Variants in AFF3 observed in about 807,000 individuals in gnomAD.
AFF3 encodes ALF transcription elongation factor 3.
A neutral mutation model predicts 129.7 loss-of-function variants in AFF3; 32 were observed. That is an observed-to-expected ratio of 0.25 (90% CI 0.19 to 0.33). The LOEUF is 0.33. AFF3 is among the 10% of genes least tolerant of loss of function. The pLI, the probability that AFF3 is intolerant of heterozygous loss-of-function variation, is 1.00. For synonymous variants in AFF3, 644 were observed against 635.4 expected, an observed-to-expected ratio of 1.01 and a Z score of -0.20; for missense variants, 1,373 against 1,592.0, an observed-to-expected ratio of 0.86 and a Z score of 2.34.
At chr2:99,843,454 G>A (rs1402356894) in intron 7 of AFF3, among the ~76,000 whole-genome samples, 1 of 152,170 alleles carries the variant, frequency 6.6e-6, no homozygotes, top group Non-Finnish European at 1.5e-5. Context: ...TACACAAACA[G>A]CCAGGGCTTT....
chr2:99,666,676 C>G (rs7579222), intron 12 of AFF3, among the ~76,000 whole-genome samples: 1 of 152,138 alleles, frequency 6.6e-6, no homozygotes, highest in Non-Finnish European at 1.5e-5. Context: ...CAAATATAAC[C>G]ATATTGGTAG....
At chr2:99,680,457 C>T (rs1408012750) in intron 11 of AFF3, among the ~76,000 whole-genome samples, 3 of 152,114 alleles carry the variant, frequency 2.0e-5, no homozygotes, top group African/African-American at 7.2e-5. Flanking sequence ...TCAGAGGATT[C>T]TGACTGGGAA....
chr2:99,987,694 C>A (rs1194418116), intron 7 of AFF3, among the ~76,000 whole-genome samples: 1 of 152,184 alleles, frequency 6.6e-6, no homozygotes, highest in Non-Finnish European at 1.5e-5. Context: ...ACTCTCCTAC[C>A]TATCATCTGC....
At chr2:99,845,354 T>C (rs1228647336) in intron 7 of AFF3, among the ~76,000 whole-genome samples, 5 of 152,230 alleles carry the variant, frequency 3.3e-5, no homozygotes, top group East Asian at 3.8e-4. Context: ...TCAGAGCCTA[T>C]AGTTAAAAGC....
chr2:99,555,578 G>A (rs1050179472), intron 22 of AFF3, among the ~76,000 whole-genome samples: 2 of 152,200 alleles, frequency 1.3e-5, no homozygotes, highest in African/African-American at 4.8e-5. Flanking sequence ...CCTCTAGTTA[G>A]GGAAGTTGCT....
chr2:100,079,453 C>A (rs1420312982), intron 4 of AFF3, among the ~76,000 whole-genome samples: 1 of 152,176 alleles, frequency 6.6e-6, no homozygotes, highest in Non-Finnish European at 1.5e-5. Context: ...GTTACAAACT[C>A]CTTGAGGGCA....
At chr2:99,857,549 A>G (rs1169792944) in intron 7 of AFF3, among the ~76,000 whole-genome samples, 1 of 152,200 alleles carries the variant, frequency 6.6e-6, no homozygotes, top group African/African-American at 2.4e-5. Context: ...AAAATAAACT[A>G]AAGTGAATAT....
At chr2:100,051,595 GA>G (rs1573263014) in intron 4 of AFF3, among the ~76,000 whole-genome samples, 1 of 152,066 alleles carries the variant, frequency 6.6e-6, no homozygotes, top group East Asian at 1.9e-4. Flanking sequence ...AAGTTAAGAT[GA>G]AAAAAACCAG....
chr2:99,554,792 A>G, intron 22 of AFF3, 60 bp from the exon 23 acceptor site: 1 of 1,595,114 alleles, frequency 6.3e-7, no homozygotes, highest in Non-Finnish European at 8.6e-7. Flanking sequence ...AACAGGTGAC[A>G]TGAACGTGTT....
chr2:99,636,746 C>T (rs1347386330), intron 13 of AFF3, among the ~76,000 whole-genome samples: 1 of 152,138 alleles, frequency 6.6e-6, no homozygotes, highest in Non-Finnish European at 1.5e-5. Flanking sequence ...CGGGAGCCAG[C>T]ACAGGAAAGG....
intron 11 of AFF3, among the ~76,000 whole-genome samples, chr2:99,715,175 T>G (rs1287185678): frequency 1.3e-5 from 2 of 152,228 alleles, no homozygotes; most frequent in Non-Finnish European, 2.9e-5. Flanking sequence ...GGCTGGCATC[T>G]CTGGAGTAGA....
intron 8 of AFF3, among the ~76,000 whole-genome samples, chr2:99,818,212 T>G (rs527302450): frequency 1.3e-5 from 2 of 152,304 alleles, no homozygotes; most frequent in Non-Finnish European, 2.9e-5. Context: ...ATTTGGGATG[T>G]TCAACTGGTA....
At chr2:99,932,319 C>G (rs1431579369) in intron 7 of AFF3, among the ~76,000 whole-genome samples, 1 of 152,136 alleles carries the variant, frequency 6.6e-6, no homozygotes, top group East Asian at 1.9e-4. Flanking sequence ...ACTGGACACT[C>G]CTGGTATAGA....
At chr2:99,766,090 G>T (rs1682986719) in intron 8 of AFF3, among the ~76,000 whole-genome samples, 1 of 152,194 alleles carries the variant, frequency 6.6e-6, no homozygotes, top group African/African-American at 2.4e-5. Context: ...TGTAGCGGGA[G>T]GCTACCTGGC....
chr2:99,638,042 T>C (rs1306600856), intron 13 of AFF3, among the ~76,000 whole-genome samples: 1 of 151,744 alleles, frequency 6.6e-6, no homozygotes, highest in Non-Finnish European at 1.5e-5. Flanking sequence ...AGAAGAGAGG[T>C]AGCACAAAGT....
chr2:99,773,892 AAAATCAATGTGCAG>A (rs2105339314), intron 8 of AFF3, among the ~76,000 whole-genome samples: 1 of 152,308 alleles, frequency 6.6e-6, no homozygotes, highest in Admixed American at 6.5e-5. Context: ...CTCAGCATAT[AAAATCAATGTGCAG>A]AAATCACAAG....
chr2:100,063,826 A>G lies in AFF3; in HGVS notation c.53+40576T>C, dbSNP rs1687492971. On this transcript the variant is annotated intron_variant, in intron 4 of 24. Coordinates refer to ENST00000672756, the MANE Select transcript of AFF3 (RefSeq NM_001386135.1). ...AAATTCAGGCTGGGCGCGGTGGCTC[A>G]CACCTTAAACCCCAGAACTTTGGGA... is the stretch of plus-strand genomic sequence containing the variant. Among the ~76,000 whole-genome samples the G allele has an allele frequency of 4.6e-5, 7 of 152,252 alleles. No homozygotes were observed. The South Asian group carries it at 1.5e-3, about 32-fold the overall frequency.
chr2:99,772,749 C>T (rs999390634), intron 8 of AFF3, among the ~76,000 whole-genome samples: 6 of 152,138 alleles, frequency 3.9e-5, no homozygotes, highest in South Asian at 4.1e-4. Context: ...TCCTAGTCTC[C>T]GGCTAATTCT....
chr2:99,643,055 A>ATTTTTT (rs34572652), intron 13 of AFF3, among the ~76,000 whole-genome samples: 25 of 100,856 alleles, frequency 2.5e-4, no homozygotes, highest in African/African-American at 5.1e-4. Context: ...TACTTAAAAG[A>ATTTTTT]TTTTTTTTTT....
Sources: gnomAD v4.1 joint callset for allele counts (sites outside exome capture counted in the v4.1 genomes callset) on GRCh38, gnomAD v4.1.1 for gene constraint, MANE v1.5 for transcripts, NCBI Gene and HGNC (gene_info 2026-07-23, HGNC 2026-07-21) for gene names.